APP: variants seen among roughly 807,000 people sequenced by gnomAD.
APP encodes the protein amyloid beta precursor protein.
A neutral mutation model predicts 101.4 loss-of-function variants in APP; 31 were observed. The ratio of observed to expected loss-of-function variants is 0.31; its 90% CI spans 0.23 to 0.41. The LOEUF is 0.41. Among genes scored for constraint, APP ranks in the 10% least tolerant of loss-of-function variants. The pLI is 1.00. For synonymous variants in APP, 366 were observed against 364.4 expected (o/e 1.00, Z -0.05); for missense variants, 839 against 1,003.7 (o/e 0.84, Z 2.22).
At chr21:25,950,645 G>GT (rs549890098) in intron 13 of APP, among the ~76,000 whole-genome samples, 10 of 151,730 alleles carry the variant, frequency 6.6e-5, no homozygotes, top group Middle Eastern at 3.2e-3. Context: ...GCCTGCAGCT[G>GT]TTTTTTTTGT....
chr21:26,130,502 G>C (rs929045689), intron 1 of APP, among the ~76,000 whole-genome samples: 2 of 152,226 alleles, frequency 1.3e-5, no homozygotes, highest in Non-Finnish European at 2.9e-5. Flanking sequence ...GAGCTGAGGA[G>C]CACAGCAACT....
At position 25,980,031 on chromosome 21, in the gene APP, T is replaced by G. The variant is rs571069313; in HGVS notation, c.1224+2313A>C. On this transcript the variant is annotated intron_variant, in intron 9 of 17. Coordinates refer to ENST00000346798, the MANE Select transcript of APP (RefSeq NM_000484.4). ...TGGGGTGTAAGGAATGGGTGAGATG[T>G]GTCAGCGTGAAGAAGAGTGGGAGGG... Among the ~76,000 whole-genome samples the G allele has an allele frequency of 3.3e-5, 5 of 152,308 alleles. No individual in the cohort carries two copies. In the East Asian group the frequency reaches 9.6e-4, roughly 29 times the overall value.
chr21:26,125,284 CTCTT>C (rs1434796633), intron 1 of APP, among the ~76,000 whole-genome samples: 4 of 152,052 alleles, frequency 2.6e-5, no homozygotes, highest in Non-Finnish European at 5.9e-5. Context: ...TTTCGTGGGC[CTCTT>C]TCTCTCTTAA....
At chr21:26,031,563 G>A (rs1360951303) in intron 5 of APP, among the ~76,000 whole-genome samples, 2 of 152,062 alleles carry the variant, frequency 1.3e-5, no homozygotes, top group African/African-American at 2.4e-5. Context: ...GGCGGCAAGA[G>A]AAAAATGAGG....
chr21:25,984,943 G>A (rs2146611553), intron 8 of APP, among the ~76,000 whole-genome samples: 1 of 152,206 alleles, frequency 6.6e-6, no homozygotes, highest in African/African-American at 2.4e-5. Context: ...GCACCCCTTT[G>A]GAAAACTGGA....
intron 11 of APP, among the ~76,000 whole-genome samples, chr21:25,957,037 G>A (rs2041352441): frequency 6.6e-6 from 1 of 152,096 alleles, no homozygotes; most frequent in Non-Finnish European, 1.5e-5. Context: ...TATTTGCTTG[G>A]TGAATGCCTG....
intron 13 of APP, among the ~76,000 whole-genome samples, chr21:25,916,555 A>C (rs889896406): frequency 2.0e-5 from 3 of 152,156 alleles, no homozygotes; most frequent in Non-Finnish European, 2.9e-5. Context: ...GGTGAGACTA[A>C]TCACACCGAA....
chr21:26,008,197 T>C (rs1355659879), intron 6 of APP, among the ~76,000 whole-genome samples: 1 of 152,108 alleles, frequency 6.6e-6, no homozygotes, highest in Admixed American at 6.5e-5. Flanking sequence ...AATTCTCATC[T>C]CTCCATGATG....
At chr21:26,061,644 T>C (rs2046268049) in intron 3 of APP, among the ~76,000 whole-genome samples, 3 of 152,198 alleles carry the variant, frequency 2.0e-5, no homozygotes, top group Admixed American at 2.0e-4. Context: ...AAAGAGGACA[T>C]GAGGGTGAAT....
At chr21:26,029,110 A>T (rs1197194172) in intron 5 of APP, among the ~76,000 whole-genome samples, 2 of 152,102 alleles carry the variant, frequency 1.3e-5, no homozygotes, top group African/African-American at 4.8e-5. Flanking sequence ...AGGGCCAGTG[A>T]GCTTAGGGAG....
chr21:26,062,157 C>T (rs1259383900), intron 3 of APP, among the ~76,000 whole-genome samples: 1 of 151,328 alleles, frequency 6.6e-6, no homozygotes, highest in Non-Finnish European at 1.5e-5. Flanking sequence ...TTGCAGTGAG[C>T]CAAGATCACA....
intron 13 of APP, among the ~76,000 whole-genome samples, chr21:25,954,220 A>C (rs1449813169): frequency 6.6e-6 from 1 of 152,220 alleles, no homozygotes; most frequent in Non-Finnish European, 1.5e-5. Flanking sequence ...CAATCGTGAC[A>C]CTCAAAAGAT....
At chr21:26,158,369 G>GT (rs2063416881) in intron 1 of APP, 1 of 152,154 alleles carries the variant, frequency 6.6e-6, no homozygotes. Context: ...TTATGGTACT[G>GT]TATTTCTTCT....
At chr21:25,971,930 C>T (rs931934087) in intron 11 of APP, among the ~76,000 whole-genome samples, 6 of 152,118 alleles carry the variant, frequency 3.9e-5, no homozygotes, top group Non-Finnish European at 8.8e-5. Flanking sequence ...CAGAAAAAAG[C>T]TCAAGAATAT....
In APP at chr21:26,097,479, A is replaced by G. The variant is rs555159171; in HGVS notation, c.226-7407T>C. Among the ~76,000 whole-genome samples the G allele has an allele frequency of 1.6e-3, 245 of 148,738 alleles. 1 individual carries two copies. The highest frequency in any genetic ancestry group is 6.0e-3 in the African/African-American group (240 of 40,088). ...GTATTATAAACCTATCTCTTAAATA[A>G]GATATTCTAAATAGTTGTTGGATTA... On this transcript the variant is annotated intron_variant, in intron 2 of 17. Coordinates refer to ENST00000346798, the MANE Select transcript of APP (RefSeq NM_000484.4).
At chr21:26,170,254 T>G (rs749815668) in intron 1 of APP, among the ~76,000 whole-genome samples, 142 of 152,156 alleles carry the variant, frequency 9.3e-4, no homozygotes, top group Non-Finnish European at 1.6e-3. Context: ...CGACCCCCGC[T>G]TCCAAGGCAG....
At chr21:25,938,860 C>T (rs2146423886) in intron 13 of APP, among the ~76,000 whole-genome samples, 1 of 152,300 alleles carries the variant, frequency 6.6e-6, no homozygotes, top group African/African-American at 2.4e-5. Context: ...GCGAGAGACG[C>T]TAGCTTCCCC....
chr21:25,960,705 C>G (rs1050816742), intron 11 of APP, among the ~76,000 whole-genome samples: 1 of 152,112 alleles, frequency 6.6e-6, no homozygotes, highest in African/African-American at 2.4e-5. Context: ...TTTATGTAAG[C>G]TGAGATGCGC....
At chr21:26,000,977 T>C (rs1440551758) in intron 6 of APP, among the ~76,000 whole-genome samples, 9 of 151,992 alleles carry the variant, frequency 5.9e-5, no homozygotes, top group Non-Finnish European at 7.4e-5. Context: ...TATTTGTATA[T>C]ATTTACATAC....
Sources: gnomAD v4.1 joint callset for allele counts (sites outside exome capture counted in the v4.1 genomes callset) on GRCh38, gnomAD v4.1.1 for gene constraint, MANE v1.5 for transcripts, NCBI Gene and HGNC (gene_info 2026-07-23, HGNC 2026-07-21) for gene names.